The following EFCAB10 variants were observed in gnomAD, a reference collection of about 807,000 sequenced individuals.
EFCAB10 encodes EF-hand calcium binding domain 10, also known as EF-hand calcium-binding domain-containing protein 10.
EFCAB10 carries 7 observed loss-of-function variants against 7.7 expected under a neutral mutation model. That is an observed-to-expected ratio of 0.91 (90% CI 0.52 to 1.72). EFCAB10 has a LOEUF of 1.72. EFCAB10 is among the 40% of genes most tolerant of loss of function. EFCAB10 has a pLI of 0.00. For missense variants in EFCAB10, 112 were observed against 61.5 expected, an observed-to-expected ratio of 1.82 and a Z score of -2.74; for synonymous variants, 52 against 21.0, an observed-to-expected ratio of 2.47 and a Z score of -4.03.
Position 105,569,399 on chromosome 7 carries a change from G to A in EFCAB10, c.271+8C>T, listed in dbSNP as rs1791878583. The A allele has an allele frequency of 1.4e-6, 1 of 699,240 alleles. No homozygotes were observed. Among genetic ancestry groups the A allele is most frequent in the African/African-American group, 1.8e-5 (1 of 56,966 alleles). 43.3% of individuals were successfully genotyped at this position (699,240 alleles called of 1,614,324 possible). ...AAACTATTACCTCAATTTGTAGAAT[G>A]TACTGACCTTCTTTATACTGCACAA... is the stretch of plus-strand genomic sequence containing the variant. On this transcript the variant is annotated splice_region_variant and intron_variant, in intron 2 of 4. Coordinates refer to ENST00000480514, the MANE Select transcript of EFCAB10 (RefSeq NM_001355526.2).
Position 105,569,267 on chromosome 7 carries a change from T to G in EFCAB10, c.295A>C (p.Thr99Pro). The change falls in exon 3 of 5, where the codon ACT (threonine) becomes CCT (proline). Residue 99 changes from threonine (T) to proline (P), a missense_variant. By Grantham distance (38) the Thr-to-Pro change is conservative. Transcript: ENST00000480514. ...TCATCTTGTAAATCTTCATCTTCAG[T>G]GCATAGACCCAGGGTTTTTAGGGCT... ...KEALKTLGLCTEDEDLQDDGH... is the reference protein window; with the variant it reads ...KEALKTLGLCPEDEDLQDDGH... 1.4e-6 allele frequency: 1 copy of G among 702,528 alleles called. No homozygotes were observed. The highest frequency in any genetic ancestry group is 2.6e-6 in the Non-Finnish European group (1 of 384,972). The allele number at this position is 702,528 out of a possible 1,614,324, so 43.5% of individuals were successfully genotyped here.
intron 1 of EFCAB10, among the ~76,000 whole-genome samples, chr7:105,575,992 G>A (rs970144185): frequency 5.9e-5 from 9 of 152,016 alleles, no homozygotes; most frequent in Admixed American, 1.3e-4. Context: ...AGCTGAGATC[G>A]CGCCATTGCA....
intron 1 of EFCAB10, among the ~76,000 whole-genome samples, chr7:105,580,347 T>C (rs1483382413): frequency 6.6e-6 from 1 of 152,128 alleles, no homozygotes; most frequent in Non-Finnish European, 1.5e-5. Context: ...ATTTTTTGTA[T>C]TTGTAGCAGA....
chr7:105,573,567 GAC>G (rs1791999696), intron 1 of EFCAB10: 1 of 152,066 alleles, frequency 6.6e-6, no homozygotes, highest in Non-Finnish European at 1.5e-5. Flanking sequence ...ATATAATAAA[GAC>G]AGAATCTTTT....
At chr7:105,567,986 C>G (rs1791836419) in intron 3 of EFCAB10, among the ~76,000 whole-genome samples, 1 of 152,056 alleles carries the variant, frequency 6.6e-6, no homozygotes, top group Non-Finnish European at 1.5e-5. Flanking sequence ...CGAACAAGAC[C>G]CTGTCTCTAA....
At chr7:105,566,921 T>C (rs1316864604) in intron 4 of EFCAB10, 18 of 373,678 alleles carry the variant, frequency 4.8e-5, no homozygotes, top group South Asian at 1.2e-4. Context: ...TATTACCTTA[T>C]AGTAATCTAA....
At position 105,567,266 on chromosome 7, in the gene EFCAB10, G is replaced by C. The variant is rs184378923; in HGVS notation, c.383+201C>G. 2.9e-5 allele frequency: 46 copies of C among 1,610,470 alleles called. No individual in the cohort carries two copies. In the Middle Eastern group the frequency reaches 5.0e-4, roughly 17 times the overall value. ...ACAAACTGGCTCAACAAGATGTTGA[G>C]ATTCTACTTAATTTGAGGACAAATT... On this transcript the variant is annotated intron_variant, in intron 4 of 4. Transcript: ENST00000480514.
chr7:105,566,953 G>A (rs1310440944), intron 4 of EFCAB10: 5 of 423,302 alleles, frequency 1.2e-5, no homozygotes, highest in Non-Finnish European at 1.6e-5. Flanking sequence ...CTCTGCACCT[G>A]TGTAGTCTTA....
At chr7:105,569,120 T>C in intron 3 of EFCAB10, 83 bp downstream of exon 3, 3 of 674,838 alleles carry the variant, frequency 4.4e-6, no homozygotes, top group Non-Finnish European at 7.9e-6. Flanking sequence ...TTTCAAAAGA[T>C]AGGAACCTGT....
intron 1 of EFCAB10, among the ~76,000 whole-genome samples, chr7:105,570,866 A>G (rs1791932034): frequency 6.6e-6 from 1 of 152,126 alleles, no homozygotes; most frequent in Admixed American, 6.5e-5. Flanking sequence ...TCTACTAAAA[A>G]TACAAAAACT....
intron 1 of EFCAB10, chr7:105,573,371 A>C (rs1791996112): frequency 6.6e-6 from 1 of 152,196 alleles, no homozygotes; most frequent in Admixed American, 6.6e-5. Flanking sequence ...ACTACATTTC[A>C]TTTTAAGGCT....
intron 1 of EFCAB10, among the ~76,000 whole-genome samples, chr7:105,570,076 T>C (rs1444722766): frequency 6.7e-6 from 1 of 150,152 alleles, no homozygotes; most frequent in Admixed American, 6.7e-5. Flanking sequence ...TAGCCAGGCG[T>C]GGTGGTGCAT....
At chr7:105,574,934 TAAAAAAAAAAAAAA>T (rs1209254689) in intron 1 of EFCAB10, among the ~76,000 whole-genome samples, 1 of 103,570 alleles carries the variant, frequency 9.7e-6, no homozygotes, top group Non-Finnish European at 2.1e-5. Context: ...TATCCCTACT[TAAAAAAAAAAAAAA>T]AAAAAAAAAT....
intron 1 of EFCAB10, among the ~76,000 whole-genome samples, chr7:105,578,704 A>T (rs977518649): frequency 2.0e-5 from 3 of 152,200 alleles, no homozygotes; most frequent in Non-Finnish European, 4.4e-5. Flanking sequence ...CAACATGAGA[A>T]ATTAGAAGAC....
intron 1 of EFCAB10, among the ~76,000 whole-genome samples, chr7:105,580,351 T>G (rs1435796574): frequency 6.6e-6 from 1 of 152,144 alleles, no homozygotes; most frequent in Non-Finnish European, 1.5e-5. Context: ...TTTGTATTTG[T>G]AGCAGACACG....
At chr7:105,571,056 A>G (rs1232590103) in intron 1 of EFCAB10, 1 of 152,130 alleles carries the variant, frequency 6.6e-6, no homozygotes, top group Non-Finnish European at 1.5e-5. Flanking sequence ...AAGTTACATC[A>G]TTACTGAGAA....
chr7:105,578,816 AG>A (rs1355619607), intron 1 of EFCAB10, among the ~76,000 whole-genome samples: 1 of 152,220 alleles, frequency 6.6e-6, no homozygotes, highest in East Asian at 1.9e-4. Context: ...TCTGTTGCTC[AG>A]GCTGGAGTGC....
Position 105,567,294 on chromosome 7 carries a change from C to T in EFCAB10, c.383+173G>A, listed in dbSNP as rs1060503046. 6.3e-7 allele frequency: 1 copy of T among 1,595,708 alleles called. No homozygotes were observed. The highest frequency in any genetic ancestry group is 8.5e-7 in the Non-Finnish European group (1 of 1,172,300). ...TCTACTTAATTTGAGGACAAATTGG[C>T]CTAATACTGGAAAATAATGTCTTTC... On this transcript the variant is annotated intron_variant, in intron 4 of 4. Coordinates refer to ENST00000480514, the MANE Select transcript of EFCAB10 (RefSeq NM_001355526.2).
At chr7:105,569,788 G>A (rs1342440855) in intron 1 of EFCAB10, among the ~76,000 whole-genome samples, 1 of 152,052 alleles carries the variant, frequency 6.6e-6, no homozygotes, top group East Asian at 1.9e-4. Context: ...TGATAGAATA[G>A]AAAACTATAG....
Sources: allele counts gnomAD v4.1 joint callset (sites outside exome capture counted in the v4.1 genomes callset), GRCh38; gene constraint gnomAD v4.1.1; transcripts MANE v1.5; gene names NCBI Gene and HGNC (gene_info 2026-07-23, HGNC 2026-07-21).